HS1BP3: variants seen among roughly 807,000 people sequenced by gnomAD.
The protein encoded by HS1BP3 is HCLS1 binding protein 3.
A neutral mutation model predicts 33.5 loss-of-function variants in HS1BP3; 32 were observed. The observed-to-expected ratio is 0.95, with a 90% CI of 0.72 to 1.28. HS1BP3 has a LOEUF of 1.28. Ranked by LOEUF, HS1BP3 falls within the 50% of genes most tolerant of loss-of-function variation. The pLI is 0.00. For missense variants in HS1BP3, 486 were observed against 502.3 expected (o/e 0.97, Z 0.31); for synonymous variants, 187 against 209.2 (o/e 0.89, Z 0.92).
downstream of HS1BP3, among the ~76,000 whole-genome samples, chr2:20,556,282 T>C (rs982319217): frequency 1.3e-5 from 2 of 152,240 alleles, no homozygotes; most frequent in African/African-American, 2.4e-5. Flanking sequence ...TTAGCTCTTT[T>C]AGTTATCCTT....
intron 5 of HS1BP3, among the ~76,000 whole-genome samples, chr2:20,568,920 G>T (rs1471121503): frequency 6.6e-6 from 1 of 152,200 alleles, no homozygotes; most frequent in African/African-American, 2.4e-5. Context: ...TGCCCTCGAG[G>T]CCGTCTTGGT....
intron 5 of HS1BP3, among the ~76,000 whole-genome samples, chr2:20,570,993 C>G (rs571387610): frequency 2.8e-4 from 43 of 152,200 alleles, no homozygotes; most frequent in African/African-American, 8.4e-4. Context: ...GGAAGGATTG[C>G]AGAACCCAGG....
Position 20,645,360 on chromosome 2 carries a change from C to T in HS1BP3, c.178G>A (p.Glu60Lys), listed in dbSNP as rs753182756. The T allele has an allele frequency of 9.9e-6, 16 of 1,613,648 alleles. No homozygotes were observed. The highest frequency in any genetic ancestry group is 6.7e-5 in the African/African-American group (5 of 74,940). The change falls in exon 2 of 7, where the codon GAG becomes AAG. Residue 60 changes from glutamate to lysine, a missense_variant. Coordinates refer to ENST00000304031, the MANE Select transcript of HS1BP3 (RefSeq NM_022460.4). ...AAFKSAKHRP[E>K]DVVQFLVSKK... ...CTCACCAAGAACTGGACGACATCCT[C>T]GGGCCTGTGCTTGGCCGACTTGAAC...
At chr2:20,592,011 G>T (rs1414464277), downstream of HS1BP3, among the ~76,000 whole-genome samples, 1 of 152,182 alleles carries the variant, frequency 6.6e-6, no homozygotes, top group Non-Finnish European at 1.5e-5. Flanking sequence ...AACAGCCCCA[G>T]CATCCAGGCC....
intron 5 of HS1BP3, among the ~76,000 whole-genome samples, chr2:20,563,545 A>AG: frequency 6.6e-6 from 1 of 152,118 alleles, no homozygotes; most frequent in Non-Finnish European, 1.5e-5. Flanking sequence ...GTGGAGGGGC[A>AG]GGGGGTGGTC....
chr2:20,639,309 A>G (rs921662182), intron 3 of HS1BP3, among the ~76,000 whole-genome samples: 3 of 152,256 alleles, frequency 2.0e-5, no homozygotes, highest in African/African-American at 7.2e-5. Context: ...AGAAAGGGAG[A>G]GCAAGCATCC....
At chr2:20,621,439 A>C (rs1399609710) in intron 6 of HS1BP3, among the ~76,000 whole-genome samples, 2 of 152,234 alleles carry the variant, frequency 1.3e-5, no homozygotes, top group Non-Finnish European at 2.9e-5. Flanking sequence ...CTTCATAGAC[A>C]GACCAGCTGT....
intron 6 of HS1BP3, among the ~76,000 whole-genome samples, chr2:20,620,578 G>C (rs1694565305): frequency 6.6e-6 from 1 of 152,198 alleles, no homozygotes; most frequent in African/African-American, 2.4e-5. Flanking sequence ...GTACACAGAA[G>C]CACAGCACTG....
intron 5 of HS1BP3, among the ~76,000 whole-genome samples, chr2:20,578,367 C>T (rs140139796): frequency 5.3e-5 from 8 of 152,320 alleles, no homozygotes; most frequent in African/African-American, 1.4e-4. Flanking sequence ...TGAGGCTCTA[C>T]CCTAGCATGT....
At chr2:20,578,060 G>C (rs1693443672) in intron 5 of HS1BP3, among the ~76,000 whole-genome samples, 1 of 152,218 alleles carries the variant, frequency 6.6e-6, no homozygotes, top group African/African-American at 2.4e-5. Context: ...CAGCCGGCTG[G>C]GGACCTCTGG....
intron 4 of HS1BP3, among the ~76,000 whole-genome samples, chr2:20,632,457 G>A (rs1035764991): frequency 5.3e-5 from 8 of 152,176 alleles, no homozygotes; most frequent in Non-Finnish European, 8.8e-5. Context: ...GTTGGACATG[G>A]CCTGGGGAAA....
intron 5 of HS1BP3, among the ~76,000 whole-genome samples, chr2:20,566,597 C>T (rs951813251): frequency 2.1e-5 from 3 of 145,542 alleles, no homozygotes; most frequent in Non-Finnish European, 4.5e-5. Flanking sequence ...GAGTTTGTCA[C>T]AGGTTTTTTT....
chr2:20,561,389 A>G (rs1240939544), intron 5 of HS1BP3, among the ~76,000 whole-genome samples: 1 of 152,188 alleles, frequency 6.6e-6, no homozygotes, highest in East Asian at 1.9e-4. Flanking sequence ...GGGTTAATAG[A>G]CAAAAGAGCA....
At chr2:20,586,354 T>C (rs1229989239) in intron 5 of HS1BP3, 1 of 152,206 alleles carries the variant, frequency 6.6e-6, no homozygotes, top group Non-Finnish European at 1.5e-5. Context: ...AGCTCAGGGC[T>C]TCCCCGTCCA....
intron 4 of HS1BP3, among the ~76,000 whole-genome samples, chr2:20,629,453 C>T (rs1694903207): frequency 6.6e-6 from 1 of 152,232 alleles, no homozygotes; most frequent in African/African-American, 2.4e-5. Flanking sequence ...GTGCCCTCTT[C>T]TCCCTTCATT....
At chr2:20,614,075 G>T (rs543242734), downstream of HS1BP3, among the ~76,000 whole-genome samples, 1 of 152,152 alleles carries the variant, frequency 6.6e-6, no homozygotes. Flanking sequence ...AGAAGACACC[G>T]TGTGAAGACA....
At chr2:20,623,777 C>G (rs758447028) in intron 6 of HS1BP3, 119 bp downstream of exon 6, 3 of 1,195,794 alleles carry the variant, frequency 2.5e-6, no homozygotes, top group Non-Finnish European at 3.4e-6. Context: ...CTACTTTTCA[C>G]AGGCCTGGGG....
intron 3 of HS1BP3, among the ~76,000 whole-genome samples, chr2:20,639,096 C>T (rs766164326): frequency 1.8e-4 from 28 of 152,226 alleles, no homozygotes; most frequent in Admixed American, 1.5e-3. Flanking sequence ...GTTGGAGGCA[C>T]GGCAAGGAAC....
At chr2:20,637,093 C>T (rs1224127024) in intron 4 of HS1BP3, 1 of 146,100 alleles carries the variant, frequency 6.8e-6, no homozygotes, top group African/African-American at 2.5e-5. Context: ...TGACAATCTG[C>T]TAATGAAGTA....
Sources: allele counts gnomAD v4.1 joint callset (sites outside exome capture counted in the v4.1 genomes callset), GRCh38; gene constraint gnomAD v4.1.1; transcripts MANE v1.5; gene names NCBI Gene and HGNC (gene_info 2026-07-23, HGNC 2026-07-21).